UGT1A6: variants seen among roughly 807,000 people sequenced by gnomAD.
The protein encoded by UGT1A6 is UDP-glucuronosyltransferase 1A6.
In UGT1A6, 32 loss-of-function variants were observed where a neutral mutation model predicts 44.4. The ratio of observed to expected loss-of-function variants is 0.72; its 90% CI spans 0.54 to 0.97. The LOEUF is 0.97. Ranked by LOEUF, UGT1A6 falls within the 50% of genes least tolerant of loss-of-function variation. UGT1A6 has a pLI of 0.00. For synonymous variants in UGT1A6, 238 were observed against 248.5 expected (o/e 0.96, Z 0.40); for missense variants, 685 against 661.9 (o/e 1.03, Z -0.38).
intron 1 of UGT1A6, among the ~76,000 whole-genome samples, chr2:233,759,294 C>T (rs1363540933): frequency 6.6e-6 from 1 of 152,134 alleles, no homozygotes; most frequent in Admixed American, 6.5e-5. Flanking sequence ...TGAAGCTGAG[C>T]CCTGAGTGGC....
chr2:233,742,224 G>A (rs191023728), intron 1 of UGT1A6, among the ~76,000 whole-genome samples: 4 of 152,020 alleles, frequency 2.6e-5, no homozygotes, highest in Non-Finnish European at 5.9e-5. Flanking sequence ...AGGGCTGAGA[G>A]CCCCAAACAG....
chr2:233,764,085 G>T (rs1214257017), intron 1 of UGT1A6, among the ~76,000 whole-genome samples: 1 of 152,154 alleles, frequency 6.6e-6, no homozygotes, highest in African/African-American at 2.4e-5. Flanking sequence ...CTAATTAAAA[G>T]CCTAAACTAA....
intron 1 of UGT1A6, among the ~76,000 whole-genome samples, chr2:233,766,078 C>T (rs1051764857): frequency 4.6e-5 from 7 of 152,154 alleles, no homozygotes; most frequent in African/African-American, 1.4e-4. Flanking sequence ...TCTACCTTGT[C>T]GCAAGGACAG....
In UGT1A6 at chr2:233,768,069, G is replaced by T. The variant is rs191770279; in HGVS notation, c.1081+133G>T. ...CATATCCTACATTGCTTTTTATCTAGTGGGGTATCTCAACCCACATTTTCT... is the reference window on the plus strand; with the variant it reads ...CATATCCTACATTGCTTTTTATCTATTGGGGTATCTCAACCCACATTTTCT... On this transcript the variant is annotated intron_variant, in intron 3 of 4. Transcript: ENST00000305139. The T allele has an allele frequency of 3.1e-6, 5 of 1,596,368 alleles. No homozygotes were observed. In the East Asian group the frequency reaches 1.1e-4, roughly 36 times the overall value.
chr2:233,738,762 C>G (rs1262299691), intron 1 of UGT1A6, among the ~76,000 whole-genome samples: 1 of 152,182 alleles, frequency 6.6e-6, no homozygotes, highest in Non-Finnish European at 1.5e-5. Flanking sequence ...AAGAAAAACC[C>G]ATTTTATGGG....
At chr2:233,710,778 A>G (rs2076147755) in intron 1 of UGT1A6, among the ~76,000 whole-genome samples, 1 of 152,244 alleles carries the variant, frequency 6.6e-6, no homozygotes, top group African/African-American at 2.4e-5. Flanking sequence ...CAATTTTAGC[A>G]AACGTTTTGT....
chr2:233,695,755 T>A (rs1036590336), intron 1 of UGT1A6, among the ~76,000 whole-genome samples: 1 of 152,338 alleles, frequency 6.6e-6, no homozygotes, highest in Non-Finnish European at 1.5e-5. Flanking sequence ...CAGGTCTTCA[T>A]CCTTTTTTAT....
At chr2:233,748,122 C>T (rs1693872650) in intron 1 of UGT1A6, 8 of 1,610,986 alleles carry the variant, frequency 5.0e-6, no homozygotes, top group Non-Finnish European at 8.5e-7. Context: ...CCAGGCAAAA[C>T]AGTTTTTAAA....
chr2:233,760,737 G>A (rs561827445), intron 1 of UGT1A6: 10 of 1,614,138 alleles, frequency 6.2e-6, no homozygotes, highest in South Asian at 4.4e-5. Context: ...TCATGCTGAC[G>A]GACCCTTTCC....
chr2:233,708,724 C>T (rs1198827860), intron 1 of UGT1A6: 1 of 152,188 alleles, frequency 6.6e-6, no homozygotes, highest in Non-Finnish European at 1.5e-5. Flanking sequence ...GCACCTCAGC[C>T]TGGGCAACAG....
intron 1 of UGT1A6, among the ~76,000 whole-genome samples, chr2:233,750,901 C>T (rs2125907846): frequency 6.6e-6 from 1 of 152,000 alleles, no homozygotes; most frequent in South Asian, 2.1e-4. Flanking sequence ...AGAACCTCTG[C>T]TAGAGAAGGG....
chr2:233,718,776 G>A, intron 1 of UGT1A6: 1 of 1,612,920 alleles, frequency 6.2e-7, no homozygotes, highest in Middle Eastern at 2.0e-4. Flanking sequence ...AATGTAGCAG[G>A]CACAGCGTGG....
intron 3 of UGT1A6, 70 bp from the exon 4 acceptor site, chr2:233,768,150 G>A: frequency 6.2e-7 from 1 of 1,611,942 alleles, no homozygotes; most frequent in Middle Eastern, 1.7e-4. Flanking sequence ...AGTGTTTTCA[G>A]AACCTAGATG....
rs1005188679 is a variant in UGT1A6, at chr2:233,769,324, T to C, written c.1301+885T>C. 3.9e-5 allele frequency among the ~76,000 whole-genome samples: 6 copies of C among 152,244 alleles called. No individual in the cohort carries two copies. Among genetic ancestry groups the C allele is most frequent in the African/African-American group, 1.4e-4 (6 of 41,472 alleles). On this transcript the variant is annotated intron_variant, in intron 4 of 4. Coordinates refer to ENST00000305139, the MANE Select transcript of UGT1A6 (RefSeq NM_001072.4). This position sits in a 1 kb window ranked among gnomAD's most constrained non-coding sequence, Gnocchi z 4.4. ...ATATTACTGTCAAGCTCACTGGTAA[T>C]AGGCTTATTAGAACCTTATGGGAAG...
In UGT1A6 at chr2:233,772,387, C is replaced by T; in HGVS notation, c.1427C>T (p.Ala476Val). The stretch of plus-strand genomic sequence containing the variant: ...AAGGGCGCGCCACACCTGCGCCCCG[C>T]AGCCCACGACCTCACCTGGTACCAG... ...RHKGAPHLRPAAHDLTWYQYH... is the reference protein window; with the variant it reads ...RHKGAPHLRPVAHDLTWYQYH... Residue 476 changes from alanine to valine, a missense_variant, in exon 5 of 5, where the codon GCA (alanine) becomes GTA (valine). Physicochemically the swap from Ala to Val is moderately conservative, Grantham distance 64. Coordinates refer to ENST00000305139, the MANE Select transcript of UGT1A6 (RefSeq NM_001072.4). The T allele has an allele frequency of 6.2e-7, 1 of 1,614,274 alleles. No homozygotes were observed. The highest frequency in any genetic ancestry group is 1.1e-5 in the South Asian group (1 of 91,092).
intron 1 of UGT1A6, among the ~76,000 whole-genome samples, chr2:233,697,886 A>G (rs2075415828): frequency 6.6e-6 from 1 of 152,190 alleles, no homozygotes; most frequent in Non-Finnish European, 1.5e-5. Flanking sequence ...CTTACCATTG[A>G]TTGAATCAAA....
At chr2:233,715,655 C>T (rs2076462877) in intron 1 of UGT1A6, among the ~76,000 whole-genome samples, 1 of 152,008 alleles carries the variant, frequency 6.6e-6, no homozygotes, top group Non-Finnish European at 1.5e-5. Context: ...ACCTGTGGTC[C>T]CAGCTACTCG....
intron 1 of UGT1A6, among the ~76,000 whole-genome samples, chr2:233,766,156 G>C (rs1699057554): frequency 6.6e-6 from 1 of 152,196 alleles, no homozygotes; most frequent in Admixed American, 6.5e-5. Context: ...TGGGCTTGGA[G>C]AATGAGTGCA....
intron 1 of UGT1A6, among the ~76,000 whole-genome samples, chr2:233,746,480 C>A (rs1693404181): frequency 1.3e-5 from 2 of 151,692 alleles, no homozygotes; most frequent in Admixed American, 6.5e-5. Context: ...AAACACTTTC[C>A]ATGGACATGT....
Sources: allele counts gnomAD v4.1 joint callset (sites outside exome capture counted in the v4.1 genomes callset), GRCh38; gene constraint gnomAD v4.1.1; non-coding constraint Gnocchi (gnomAD v3.1); transcripts MANE v1.5; gene names NCBI Gene and HGNC (gene_info 2026-07-23, HGNC 2026-07-21).